FOXK2: variants seen among roughly 807,000 people sequenced by gnomAD.
FOXK2 encodes the protein forkhead box K2, also known as forkhead box protein K2.
FOXK2 carries 24 observed loss-of-function variants against 53.3 expected under a neutral mutation model. The observed-to-expected ratio is 0.45, with a 90% CI of 0.33 to 0.63. The LOEUF is 0.63. Among genes scored for constraint, FOXK2 ranks in the 30% least tolerant of loss-of-function variants. FOXK2 has a pLI of 0.03. For synonymous variants in FOXK2, 505 were observed against 407.1 expected (o/e 1.24, Z -2.89); for missense variants, 952 against 910.5 (o/e 1.05, Z -0.59).
At chr17:82,553,673 C>G (rs993430106) in intron 1 of FOXK2, among the ~76,000 whole-genome samples, 1 of 152,144 alleles carries the variant, frequency 6.6e-6, no homozygotes, top group Admixed American at 6.5e-5. Context: ...GGCCCCTAGA[C>G]CTTGGGATGT....
chr17:82,562,492 A>C (rs1391396869), intron 1 of FOXK2, among the ~76,000 whole-genome samples: 4 of 152,134 alleles, frequency 2.6e-5, no homozygotes, highest in African/African-American at 9.7e-5. Context: ...AGGCAGGAGA[A>C]TCGCTTGAAC....
At chr17:82,528,619 A>G (rs1007011350) in intron 1 of FOXK2, among the ~76,000 whole-genome samples, 2 of 152,200 alleles carry the variant, frequency 1.3e-5, no homozygotes, top group East Asian at 3.8e-4. Context: ...TGAGCACGGA[A>G]CAAGGTGTTA....
At position 82,586,074 on chromosome 17, in the gene FOXK2, A is replaced by AG; in HGVS notation, c.1451dup (p.Ser484ArgfsTer29). ...CCAGATCCCAGCGGTGTCGGTCACC[A>AG]GTGTGGCCGGACTGGCCCCAGCGAA... On this transcript the variant is annotated frameshift_variant, in exon 7 of 9. Coordinates refer to ENST00000335255, the MANE Select transcript of FOXK2 (RefSeq NM_004514.4). LOFTEE classifies it high-confidence loss of function. 1 of 1,612,770 alleles carries AG rather than the reference A, an allele frequency of 6.2e-7. No individual in the cohort carries two copies. Among genetic ancestry groups the AG allele is most frequent in the Non-Finnish European group, 8.5e-7 (1 of 1,179,952 alleles).
At chr17:82,598,227 C>T (rs4789807) in intron 8 of FOXK2, among the ~76,000 whole-genome samples, 25,842 of 152,130 alleles carry the variant, frequency 0.17, 2,432 homozygotes, top group Non-Finnish European at 0.21. Flanking sequence ...ATTATTCCTC[C>T]TGTCTGTCAT....
chr17:82,576,607 G>C, intron 4 of FOXK2: 11 of 1,020,036 alleles, frequency 1.1e-5, no homozygotes, highest in Non-Finnish European at 1.4e-5. Flanking sequence ...GCTGGAGGGA[G>C]GACCCAGTGC....
chr17:82,567,248 T>C (rs986321498), intron 2 of FOXK2, among the ~76,000 whole-genome samples: 14 of 152,370 alleles, frequency 9.2e-5, no homozygotes, highest in South Asian at 4.1e-4. Context: ...CTCTGACTTA[T>C]AAGATAATCT....
intron 4 of FOXK2, chr17:82,576,647 A>G (rs2044989972): frequency 1.0e-5 from 12 of 1,151,422 alleles, no homozygotes; most frequent in Middle Eastern, 4.0e-4. Flanking sequence ...CTGGCACAGA[A>G]GATGATTGAC....
chr17:82,580,900 C>G (rs1210457168), intron 4 of FOXK2, among the ~76,000 whole-genome samples: 1 of 150,478 alleles, frequency 6.6e-6, no homozygotes, highest in African/African-American at 2.4e-5. Context: ...GGCCCAGATC[C>G]CTCCCACACA....
chr17:82,578,829 C>T (rs951985054), intron 4 of FOXK2, among the ~76,000 whole-genome samples: 1 of 152,188 alleles, frequency 6.6e-6, no homozygotes, highest in African/African-American at 2.4e-5. Context: ...GTGGTGGTGA[C>T]GCAGGGGCAG....
At chr17:82,596,921 G>A (rs956270540) in intron 8 of FOXK2, among the ~76,000 whole-genome samples, 4 of 152,200 alleles carry the variant, frequency 2.6e-5, no homozygotes, top group African/African-American at 9.6e-5. Flanking sequence ...GCTGCTCCAA[G>A]TTACAGTCCC....
At chr17:82,533,603 G>A (rs145708312) in intron 1 of FOXK2, among the ~76,000 whole-genome samples, 9 of 152,242 alleles carry the variant, frequency 5.9e-5, no homozygotes, top group Non-Finnish European at 1.2e-4. Context: ...GGCTGTTCGC[G>A]TAGTAGGTTC....
At chr17:82,597,812 G>A (rs2045332161) in intron 8 of FOXK2, among the ~76,000 whole-genome samples, 1 of 152,068 alleles carries the variant, frequency 6.6e-6, no homozygotes, top group Non-Finnish European at 1.5e-5. Flanking sequence ...CACCACACCT[G>A]GCTAATTTTG....
At chr17:82,596,547 G>GCCCTGGTGCCCT (rs1555644203) in intron 8 of FOXK2, among the ~76,000 whole-genome samples, 11 of 152,050 alleles carry the variant, frequency 7.2e-5, no homozygotes, top group South Asian at 6.2e-4. Context: ...CGCACTTTCT[G>GCCCTGGTGCCCT]CGGGCAGTCT....
intron 8 of FOXK2, among the ~76,000 whole-genome samples, chr17:82,590,371 G>C (rs963310060): frequency 6.6e-6 from 1 of 152,152 alleles, no homozygotes; most frequent in Non-Finnish European, 1.5e-5. Flanking sequence ...GCCCATGCTG[G>C]TCTCAAGCTC....
intron 8 of FOXK2, among the ~76,000 whole-genome samples, chr17:82,597,862 CTGG>C (rs1467429132): frequency 6.6e-6 from 1 of 152,188 alleles, no homozygotes; most frequent in Non-Finnish European, 1.5e-5. Context: ...GTTGGCCAGG[CTGG>C]TCTCAAACTC....
intron 8 of FOXK2, 164 bp from the exon 9 acceptor site, chr17:82,601,139 G>A (rs757946337): frequency 2.7e-6 from 2 of 752,202 alleles, no homozygotes; most frequent in Non-Finnish European, 4.2e-6. Context: ...CTGGGGTCTT[G>A]TGGGAGCCTC....
intron 1 of FOXK2, among the ~76,000 whole-genome samples, chr17:82,520,863 C>T (rs1179999969): frequency 1.3e-5 from 2 of 152,152 alleles, no homozygotes; most frequent in African/African-American, 2.4e-5. Flanking sequence ...GAAGACGCTT[C>T]AAGCATGATG....
At chr17:82,579,237 T>G (rs750053139) in intron 4 of FOXK2, among the ~76,000 whole-genome samples, 18 of 152,208 alleles carry the variant, frequency 1.2e-4, no homozygotes, top group Non-Finnish European at 2.4e-4. Context: ...CACTTAAAAT[T>G]CTGAGAGCAG....
rs189721611 is a variant in FOXK2, at chr17:82,587,233, G to A, written c.1747G>A (p.Ala583Thr). ...TGTAACACAAAACGGCACTCACGTG[G>A]CATCAGTCCCCACTGCGGTCCACGG... is the stretch of plus-strand genomic sequence containing the variant. ...KTVTQNGTHV[A>T]SVPTAVHGQV... Residue 583 changes from alanine (A) to threonine (T), a missense_variant, in exon 8 of 9, where the codon GCA becomes ACA. Physicochemically the swap from Ala to Thr is moderately conservative, Grantham distance 58. This residue lies in a region of FOXK2 where 551 missense variants were observed against 385.1 expected (regional missense o/e 1.43). Transcript: ENST00000335255. The A allele has an allele frequency of 1.2e-6, 2 of 1,613,096 alleles. No homozygotes were observed. Among genetic ancestry groups the A allele is most frequent in the Admixed American group, 3.3e-5 (2 of 60,024 alleles).
Sources: allele counts gnomAD v4.1 joint callset (sites outside exome capture counted in the v4.1 genomes callset), GRCh38; gene constraint gnomAD v4.1.1; regional missense constraint gnomAD v4.1.1; transcripts MANE v1.5; gene names NCBI Gene and HGNC (gene_info 2026-07-23, HGNC 2026-07-21).